The following EYS variants were observed in gnomAD, a reference collection of about 807,000 sequenced individuals.
EYS encodes the protein protein eyes shut homolog.
Under a neutral mutation model 282.1 loss-of-function variants are expected in EYS, and 250 were observed. The ratio of observed to expected loss-of-function variants is 0.89; its 90% confidence interval spans 0.80 to 0.98. The LOEUF is 0.98. Among genes scored for constraint, EYS ranks in the 50% least tolerant of loss-of-function variants. The pLI is 0.00. For missense variants in EYS, 4,016 were observed against 3,709.0 expected (o/e 1.08, Z -2.15); for synonymous variants, 1,355 against 1,282.9 (o/e 1.06, Z -1.20).
chr6:65,515,012 A>C (rs1158942296), intron 2 of EYS, among the ~76,000 whole-genome samples: 4 of 152,164 alleles, frequency 2.6e-5, no homozygotes, highest in Non-Finnish European at 5.9e-5. Context: ...CAACCTACAA[A>C]ATGGGAGAAT....
At chr6:65,181,765 T>A (rs1052485990) in intron 12 of EYS, among the ~76,000 whole-genome samples, 7 of 152,110 alleles carry the variant, frequency 4.6e-5, no homozygotes, top group Admixed American at 4.6e-4. Flanking sequence ...ACACGTATGT[T>A]TATTGCGGCA....
intron 29 of EYS, among the ~76,000 whole-genome samples, chr6:64,376,040 A>T (rs1292404874): frequency 1.3e-5 from 2 of 152,226 alleles, no homozygotes; most frequent in Non-Finnish European, 2.9e-5. Context: ...GTCCTTCTAG[A>T]GGCAGATAAA....
intron 33 of EYS, among the ~76,000 whole-genome samples, chr6:64,016,309 C>T (rs1241825764): frequency 2.0e-5 from 3 of 152,028 alleles, no homozygotes; most frequent in Non-Finnish European, 4.4e-5. Context: ...TATTACACAG[C>T]AGCCACCCTC....
intron 5 of EYS, among the ~76,000 whole-genome samples, chr6:65,479,604 G>A (rs1232900785): frequency 1.3e-5 from 2 of 152,096 alleles, no homozygotes; most frequent in Non-Finnish European, 2.9e-5. Flanking sequence ...TTGCCACATG[G>A]TGCTGAACTG....
intron 35 of EYS, among the ~76,000 whole-genome samples, chr6:63,887,193 G>A (rs1482451): frequency 0.32 from 48,881 of 151,784 alleles, 8,098 homozygotes; most frequent in Admixed American, 0.38. Flanking sequence ...TTTTCTCCAG[G>A]GACATGCTAC....
Position 65,231,117 on chromosome 6 carries a change from A to ATATATATACTTT in EYS, c.2023+64745_2023+64746insAAAGTATATATA, listed in dbSNP as rs1554168990. 5.6e-3 allele frequency among the ~76,000 whole-genome samples: 719 copies of ATATATATACTTT among 128,822 alleles called. 6 individuals carry two copies. The highest frequency in any genetic ancestry group is 0.02 in the African/African-American group (686 of 33,868). The allele number at this position is 128,822 out of a possible 152,430, so 84.5% of individuals were successfully genotyped here. A position where few individuals can be genotyped will look rare whatever the true frequency, so the allele number is the denominator to read the frequency against. Reference sequence around the variant, plus strand: ...TATATACTTTTATATATATGTATTTATATATATATACTTTTATATATATAC... The same window carrying ATATATATACTTT: ...TATATACTTTTATATATATGTATTTATATATATACTTTTATATATATACTTTTATATATATAC... On this transcript the variant is annotated intron_variant, in intron 12 of 42. Transcript: ENST00000503581.
intron 12 of EYS, among the ~76,000 whole-genome samples, chr6:65,295,131 T>C (rs1768626739): frequency 6.6e-6 from 1 of 151,886 alleles, no homozygotes; most frequent in Non-Finnish European, 1.5e-5. Context: ...AAATGGAAAA[T>C]CCAACTGGAC....
At chr6:64,442,961 G>T (rs1318979974) in intron 26 of EYS, among the ~76,000 whole-genome samples, 2 of 151,350 alleles carry the variant, frequency 1.3e-5, no homozygotes, top group South Asian at 2.1e-4. Context: ...TAGTGGAGTT[G>T]TGAGAAGAGG....
intron 12 of EYS, among the ~76,000 whole-genome samples, chr6:65,207,081 A>C (rs555663915): frequency 1.3e-4 from 19 of 151,922 alleles, no homozygotes; most frequent in Admixed American, 6.6e-4. Flanking sequence ...CAGGAAGTCA[A>C]ATTATCTCTA....
intron 35 of EYS, among the ~76,000 whole-genome samples, chr6:63,936,258 T>C (rs1320630086): frequency 6.6e-6 from 1 of 152,194 alleles, no homozygotes; most frequent in Non-Finnish European, 1.5e-5. Context: ...TGCTGGCGGA[T>C]AGGTATCCTG....
chr6:64,413,622 G>A (rs1320120298), intron 28 of EYS, among the ~76,000 whole-genome samples: 1 of 149,236 alleles, frequency 6.7e-6, no homozygotes, highest in Non-Finnish European at 1.5e-5. Context: ...ACAAAGTACA[G>A]AAAATATCGT....
At chr6:63,981,227 G>A (rs781383997) in intron 35 of EYS, among the ~76,000 whole-genome samples, 47 of 151,918 alleles carry the variant, frequency 3.1e-4, no homozygotes, top group Middle Eastern at 3.4e-3. Flanking sequence ...CTGCTGGAGT[G>A]CTAGCTGTAG....
intron 7 of EYS, among the ~76,000 whole-genome samples, chr6:65,385,239 C>T (rs1271141387): frequency 2.6e-5 from 4 of 151,848 alleles, no homozygotes; most frequent in Non-Finnish European, 4.4e-5. Context: ...TATGACTTCT[C>T]ATGACTTTAA....
intron 22 of EYS, among the ~76,000 whole-genome samples, chr6:64,720,566 A>T (rs2149942766): frequency 6.6e-6 from 1 of 152,252 alleles, no homozygotes; most frequent in South Asian, 2.1e-4. Flanking sequence ...TTTCTCTTAA[A>T]TCATATATTC....
chr6:65,271,365 G>A (rs1482501406), intron 12 of EYS, among the ~76,000 whole-genome samples: 1 of 151,094 alleles, frequency 6.6e-6, no homozygotes, highest in Non-Finnish European at 1.5e-5. Context: ...ACACAGTAGG[G>A]AAGAGGGCAA....
At chr6:64,513,614 G>T (rs1707103341) in intron 26 of EYS, among the ~76,000 whole-genome samples, 1 of 151,768 alleles carries the variant, frequency 6.6e-6, no homozygotes, top group Non-Finnish European at 1.5e-5. Flanking sequence ...TCATGCCAAG[G>T]CAAGAAAGAA....
chr6:64,296,550 A>ATATG lies in EYS; in HGVS notation c.6191+10419_6191+10420insCATA, dbSNP rs1175234118. Among the ~76,000 whole-genome samples, 19 of 4,634 alleles carry ATATG rather than the reference A, an allele frequency of 4.1e-3. No homozygotes were observed. In the Middle Eastern group the frequency reaches 0.2, roughly 49 times the overall value. The allele number at this position is 4,634 out of a possible 152,430, so 3.0% of individuals were successfully genotyped here. A position where few individuals can be genotyped will look rare whatever the true frequency, so the allele number is the denominator to read the frequency against. On this transcript the variant is annotated intron_variant, in intron 30 of 42. Coordinates refer to ENST00000503581, the MANE Select transcript of EYS (RefSeq NM_001142800.2). ...ACAATTGTACTGGCAGAATATATAT[A>ATATG]TATATATATATATATATATATATAT...
intron 16 of EYS, among the ~76,000 whole-genome samples, chr6:64,910,611 G>A (rs1767961063): frequency 1.3e-5 from 2 of 152,026 alleles, no homozygotes; most frequent in South Asian, 4.1e-4. Context: ...TTTGGCTTAC[G>A]TACAATAATA....
chr6:65,064,511 T>C (rs1773683909), intron 12 of EYS, among the ~76,000 whole-genome samples: 1 of 147,010 alleles, frequency 6.8e-6, no homozygotes, highest in Non-Finnish European at 1.5e-5. Flanking sequence ...TATAGTATAA[T>C]ATATGTACTA....
Sources: gnomAD v4.1 joint callset for allele counts (sites outside exome capture counted in the v4.1 genomes callset) on GRCh38, gnomAD v4.1.1 for gene constraint, MANE v1.5 for transcripts, NCBI Gene and HGNC (gene_info 2026-07-23, HGNC 2026-07-21) for gene names.